MAPRE2: variants seen among roughly 807,000 people sequenced by gnomAD.
MAPRE2 encodes the protein microtubule associated protein RP/EB family member 2.
MAPRE2 carries 13 observed loss-of-function variants against 43.2 expected under a neutral mutation model. The observed-to-expected ratio is 0.30, with a 90% CI of 0.20 to 0.48. The LOEUF (loss-of-function observed/expected upper bound fraction) is 0.48, where lower values mean the gene tolerates loss of function less well. Ranked by LOEUF, MAPRE2 falls within the 20% of genes least tolerant of loss-of-function variation. The pLI, the probability that MAPRE2 is intolerant of heterozygous loss-of-function variation, is 0.99. For missense variants in MAPRE2, 161 were observed against 400.2 expected (o/e 0.40, Z 5.10); for synonymous variants, 135 against 148.8 (o/e 0.91, Z 0.68).
chr18:35,040,037 C>T (rs2097052789), upstream of MAPRE2, among the ~76,000 whole-genome samples: 3 of 152,140 alleles, frequency 2.0e-5, no homozygotes, highest in Admixed American at 2.0e-4. Context: ...AACCCTGTCT[C>T]TACTAAAATA....
chr18:35,121,835 C>T (rs772253564), intron 4 of MAPRE2, among the ~76,000 whole-genome samples: 2 of 152,196 alleles, frequency 1.3e-5, no homozygotes, highest in Non-Finnish European at 2.9e-5. Flanking sequence ...GGATTGGATG[C>T]TGTCAGAGAC....
At chr18:35,008,637 T>G (rs1284953951) in intron 2 of MAPRE2, among the ~76,000 whole-genome samples, 3 of 152,150 alleles carry the variant, frequency 2.0e-5, no homozygotes, top group Non-Finnish European at 2.9e-5. Context: ...TATCTTCCCA[T>G]TTTCACTATA....
At chr18:34,997,152 C>G (rs1350988315) in intron 1 of MAPRE2, among the ~76,000 whole-genome samples, 2 of 152,158 alleles carry the variant, frequency 1.3e-5, no homozygotes, top group African/African-American at 4.8e-5. Flanking sequence ...CCTACCTCTC[C>G]TGACAAATAG....
intron 4 of MAPRE2, among the ~76,000 whole-genome samples, chr18:35,122,028 G>A (rs1948606310): frequency 6.6e-6 from 1 of 152,158 alleles, no homozygotes; most frequent in South Asian, 2.1e-4. Flanking sequence ...GTTGTTAGAA[G>A]GCAGCGAGAC....
chr18:35,133,530 T>C (rs1450022983), intron 6 of MAPRE2, among the ~76,000 whole-genome samples: 1 of 150,938 alleles, frequency 6.6e-6, no homozygotes, highest in East Asian at 2.0e-4. Context: ...ACAAGCTTAT[T>C]TGAGGCTAAA....
At chr18:35,020,691 G>A (rs539518446) in intron 2 of MAPRE2, among the ~76,000 whole-genome samples, 3 of 152,058 alleles carry the variant, frequency 2.0e-5, no homozygotes, top group Non-Finnish European at 2.9e-5. Flanking sequence ...TCAAGAAAAC[G>A]TATCCCCTCA....
intron 2 of MAPRE2, among the ~76,000 whole-genome samples, chr18:35,014,758 A>G (rs1287963602): frequency 6.6e-6 from 1 of 152,048 alleles, no homozygotes; most frequent in East Asian, 1.9e-4. Flanking sequence ...ATGGTGTTAC[A>G]TCCCCCCTCA....
At chr18:34,994,803 A>G (rs755079890) in intron 1 of MAPRE2, among the ~76,000 whole-genome samples, 5 of 152,300 alleles carry the variant, frequency 3.3e-5, no homozygotes, top group Non-Finnish European at 7.4e-5. Flanking sequence ...TTTACAGAAA[A>G]CTGTAAAAAC....
intron 2 of MAPRE2, among the ~76,000 whole-genome samples, chr18:35,034,665 GA>G (rs1390345246): frequency 3.8e-4 from 57 of 151,796 alleles, no homozygotes; most frequent in African/African-American, 1.4e-3. Context: ...AAATTTACAA[GA>G]AAAAAACAAA....
Position 35,126,971 on chromosome 18 carries a change from G to A in MAPRE2, c.634G>A (p.Ala212Thr). The A allele has an allele frequency of 6.2e-7, 1 of 1,614,016 alleles. No individual in the cohort carries two copies. Among genetic ancestry groups the A allele is most frequent in the African/African-American group, 1.3e-5 (1 of 75,004 alleles). Reference sequence around the variant, plus strand: ...AGGTGCAGCTAAATCAAGTCCAGCAGCTAAACCAGGATCCACACCTTCTCG... The same window carrying A: ...AGGTGCAGCTAAATCAAGTCCAGCAACTAAACCAGGATCCACACCTTCTCG... Reference protein sequence around the residue: ...TAGAAKSSPAAKPGSTPSRPS... With the variant: ...TAGAAKSSPATKPGSTPSRPS... The change falls in exon 5 of 7, where the codon GCT (alanine) becomes ACT (threonine). Residue 212 changes from alanine to threonine, a missense_variant. Ala to Thr is a moderately conservative substitution (Grantham distance 58). Transcript: ENST00000300249.
At chr18:35,065,659 T>A (rs1258450095) in intron 1 of MAPRE2, among the ~76,000 whole-genome samples, 5 of 152,118 alleles carry the variant, frequency 3.3e-5, no homozygotes, top group African/African-American at 1.2e-4. Context: ...GTTCAAGCGA[T>A]TCTCCTGCCT....
At chr18:35,066,228 A>G (rs1421834565) in intron 1 of MAPRE2, among the ~76,000 whole-genome samples, 1 of 152,222 alleles carries the variant, frequency 6.6e-6, no homozygotes, top group East Asian at 1.9e-4. Flanking sequence ...AATTGGTAAT[A>G]TCCCTAAGGA....
chr18:35,092,831 A>G (rs751836379), intron 2 of MAPRE2, among the ~76,000 whole-genome samples: 1 of 152,222 alleles, frequency 6.6e-6, no homozygotes, highest in Non-Finnish European at 1.5e-5. Context: ...CCACAGGTAT[A>G]GGAGAAAATG....
rs1910654633 is a variant in MAPRE2 at position 35,141,741 on chromosome 18, G to A, written c.*1372G>A. 1 of 151,394 alleles carries A rather than the reference G, an allele frequency of 6.6e-6. No homozygotes were observed. Among genetic ancestry groups the A allele is most frequent in the African/African-American group, 2.4e-5 (1 of 41,144 alleles). The allele number at this position is 151,394 out of a possible 1,614,324, so 9.4% of individuals were successfully genotyped here. A position where few individuals can be genotyped will look rare whatever the true frequency, so the allele number is the denominator to read the frequency against. ...ATTTCACCTTGGTTTCTAACTTTAGGTTTACTTTCACTTGTTATTTGACTT... is the reference window on the plus strand; with the variant it reads ...ATTTCACCTTGGTTTCTAACTTTAGATTTACTTTCACTTGTTATTTGACTT... On this transcript the variant is annotated 3_prime_UTR_variant, in exon 7 of 7. Transcript: ENST00000300249.
intron 1 of MAPRE2, among the ~76,000 whole-genome samples, chr18:35,059,318 A>G (rs900588194): frequency 6.7e-6 from 1 of 149,082 alleles, no homozygotes; most frequent in Non-Finnish European, 1.5e-5. Flanking sequence ...TTCCCTACTC[A>G]CCTTTAAAAA....
rs556783829 is a variant in MAPRE2 at position 35,142,542 on chromosome 18, G to A, written c.*2173G>A. 6.6e-6 allele frequency: 1 copy of A among 152,454 alleles called. No homozygotes were observed. Among genetic ancestry groups the A allele is most frequent in the East Asian group, 1.9e-4 (1 of 5,188 alleles). 9.4% of individuals were successfully genotyped at this position (152,454 alleles called of 1,614,324 possible). A position where few individuals can be genotyped will look rare whatever the true frequency, so the allele number is the denominator to read the frequency against. On this transcript the variant is annotated 3_prime_UTR_variant, in exon 7 of 7. Transcript: ENST00000300249. Reference sequence around the variant, plus strand: ...CCCCAGCCTTCTCAGTTATAAACATGCTGGCCAGATCTCTTAGCCTGCAAA... The same window carrying A: ...CCCCAGCCTTCTCAGTTATAAACATACTGGCCAGATCTCTTAGCCTGCAAA...
chr18:34,991,707 G>A (rs533916337), intron 1 of MAPRE2, among the ~76,000 whole-genome samples: 2 of 152,272 alleles, frequency 1.3e-5, no homozygotes, highest in East Asian at 3.9e-4. Context: ...CTGTGATGAT[G>A]CTATTCATGG....
chr18:35,089,600 T>A (rs1261587098), intron 2 of MAPRE2, among the ~76,000 whole-genome samples: 1 of 152,140 alleles, frequency 6.6e-6, no homozygotes, highest in African/African-American at 2.4e-5. Flanking sequence ...AAAACCACAG[T>A]GACATACCAC....
intron 1 of MAPRE2, chr18:35,041,889 A>AG: frequency 9.7e-7 from 1 of 1,030,618 alleles, no homozygotes; most frequent in Non-Finnish European, 1.4e-6. Flanking sequence ...GCTGCCTTCG[A>AG]GGGGTCTCCC....
Sources: gnomAD v4.1 joint callset for allele counts (sites outside exome capture counted in the v4.1 genomes callset) on GRCh38, gnomAD v4.1.1 for gene constraint, MANE v1.5 for transcripts, NCBI Gene and HGNC (gene_info 2026-07-23, HGNC 2026-07-21) for gene names.